The following LYRM7 variants were observed in gnomAD, a reference collection of about 807,000 sequenced individuals.
LYRM7 encodes the protein complex III assembly factor LYRM7.
LYRM7 carries 9 observed loss-of-function variants against 15.8 expected under a neutral mutation model. The ratio of observed to expected loss-of-function variants is 0.57; its 90% CI spans 0.34 to 0.99. The LOEUF is 0.99. Among genes scored for constraint, LYRM7 ranks in the 50% least tolerant of loss-of-function variants. The pLI, the probability that LYRM7 is intolerant of heterozygous loss-of-function variation, is 0.02. For missense variants in LYRM7, 115 were observed against 119.1 expected (o/e 0.97, Z 0.16); for synonymous variants, 39 against 39.4 (o/e 0.99, Z 0.04).
intron 1 of LYRM7, 137 bp downstream of exon 1, chr5:131,171,175 C>A: frequency 2.3e-6 from 2 of 888,440 alleles, no homozygotes; most frequent in African/African-American, 1.8e-5. Flanking sequence ...CCCAGAGAAG[C>A]CAGATGACCA....
chr5:131,181,316 T>TATATATATATATACATAC (rs1208669077), intron 2 of LYRM7, among the ~76,000 whole-genome samples: 2 of 27,648 alleles, frequency 7.2e-5, no homozygotes, highest in Non-Finnish European at 1.5e-4. Flanking sequence ...TATATATATA[T>TATATATATATATACATAC]ACACACACAC....
At chr5:131,185,168 G>GA (rs373728099) in intron 3 of LYRM7, among the ~76,000 whole-genome samples, 11 of 149,274 alleles carry the variant, frequency 7.4e-5, no homozygotes, top group African/African-American at 9.8e-5. Flanking sequence ...CTTAAAAAAA[G>GA]AAAAAAAAAG....
At position 131,189,444 on chromosome 5, in the gene LYRM7, CAAAAAAAAAAAA is replaced by C. The variant is rs71000976; in HGVS notation, c.244+2351_244+2362del. ...GGCAACAGAGCAAGACTCCGTCTCC[CAAAAAAAAAAAA>C]AAAAAAAAAAAAAAAGCTATATTGT... On this transcript the variant is annotated intron_variant, in intron 4 of 4. Transcript: ENST00000379380. Among the ~76,000 whole-genome samples the C allele has an allele frequency of 1.9e-4, 9 of 46,178 alleles. No individual in the cohort carries two copies. In the East Asian group the frequency reaches 4.3e-3, roughly 22 times the overall value. The allele number at this position is 46,178 out of a possible 152,430, so 30.3% of individuals were successfully genotyped here.
intron 4 of LYRM7, among the ~76,000 whole-genome samples, chr5:131,190,702 G>T (rs1405642784): frequency 1.3e-5 from 2 of 151,604 alleles, no homozygotes; most frequent in African/African-American, 4.8e-5. Context: ...TGTTGGCCAG[G>T]CTGGTCTGGA....
intron 1 of LYRM7, among the ~76,000 whole-genome samples, chr5:131,176,268 T>G (rs1464375659): frequency 6.6e-6 from 1 of 152,250 alleles, no homozygotes; most frequent in Non-Finnish European, 1.5e-5. Flanking sequence ...TTCTGGGTCA[T>G]AAGATAACTG....
At position 131,183,293 on chromosome 5, in the gene LYRM7, A is replaced by G. The variant is rs79225255; in HGVS notation, c.162+994A>G. 3.5e-4 allele frequency among the ~76,000 whole-genome samples: 53 copies of G among 152,304 alleles called. No homozygotes were observed. In the East Asian group the frequency reaches 8.9e-3, roughly 26 times the overall value. Reference sequence around the variant, plus strand: ...ATTTTGCTGAAACATGATAGGGCAAATAGGGAATATGTAATTTTTATTCAT... The same window carrying G: ...ATTTTGCTGAAACATGATAGGGCAAGTAGGGAATATGTAATTTTTATTCAT... On this transcript the variant is annotated intron_variant, in intron 3 of 4. Coordinates refer to ENST00000379380, the MANE Select transcript of LYRM7 (RefSeq NM_181705.4).
chr5:131,190,606 T>G (rs1274759121), intron 4 of LYRM7, among the ~76,000 whole-genome samples: 2 of 151,906 alleles, frequency 1.3e-5, no homozygotes, highest in Non-Finnish European at 2.9e-5. Context: ...TTCTCCTGCC[T>G]CAGCCCCTCA....
chr5:131,175,975 G>T (rs565898574), intron 1 of LYRM7, among the ~76,000 whole-genome samples: 1 of 152,068 alleles, frequency 6.6e-6, no homozygotes, highest in African/African-American at 2.4e-5. Context: ...GGCCAGGCTG[G>T]TCTTGAACTC....
chr5:131,196,207 G>A (rs1297186828), intron 4 of LYRM7, among the ~76,000 whole-genome samples: 2 of 150,062 alleles, frequency 1.3e-5, no homozygotes, highest in African/African-American at 2.5e-5. Flanking sequence ...GGGTTCAAGC[G>A]ATTCTCATGC....
intron 4 of LYRM7, among the ~76,000 whole-genome samples, chr5:131,191,260 T>G (rs2149664518): frequency 6.6e-6 from 1 of 152,100 alleles, no homozygotes; most frequent in East Asian, 1.9e-4. Context: ...AAAAGTTACT[T>G]TAAGCAAAAT....
At chr5:131,196,883 C>G (rs140879127) in intron 4 of LYRM7, among the ~76,000 whole-genome samples, 208 of 152,076 alleles carry the variant, frequency 1.4e-3, no homozygotes, top group African/African-American at 4.7e-3. Flanking sequence ...GTCTCGAACT[C>G]CTGACTTTGT....
At chr5:131,174,204 A>G (rs1429389444) in intron 1 of LYRM7, among the ~76,000 whole-genome samples, 2 of 152,248 alleles carry the variant, frequency 1.3e-5, no homozygotes, top group Non-Finnish European at 1.5e-5. Flanking sequence ...AAACTCAAGA[A>G]TCCACTTTCT....
chr5:131,189,002 C>T (rs1755840914), intron 4 of LYRM7, among the ~76,000 whole-genome samples: 1 of 151,556 alleles, frequency 6.6e-6, no homozygotes, highest in Non-Finnish European at 1.5e-5. Context: ...CAAAAACTAG[C>T]CAGGCATGGT....
At chr5:131,178,605 A>C (rs890118928) in intron 1 of LYRM7, among the ~76,000 whole-genome samples, 1 of 151,990 alleles carries the variant, frequency 6.6e-6, no homozygotes, top group African/African-American at 2.4e-5. Flanking sequence ...CTCTCTTTTT[A>C]TTTTTTTCAA....
At chr5:131,197,565 A>G (rs1268455795) in intron 4 of LYRM7, among the ~76,000 whole-genome samples, 4 of 20,382 alleles carry the variant, frequency 2.0e-4, no homozygotes, top group African/African-American at 6.4e-4. Context: ...TTTTTTTTTG[A>G]GAGAGAGAGT....
intron 4 of LYRM7, among the ~76,000 whole-genome samples, chr5:131,188,336 T>G (rs1043601860): frequency 1.2e-4 from 18 of 151,872 alleles, no homozygotes; most frequent in African/African-American, 4.4e-4. Flanking sequence ...GTACTCAATT[T>G]GTAATTGTAT....
At chr5:131,172,499 A>G (rs1470541289) in intron 1 of LYRM7, among the ~76,000 whole-genome samples, 1 of 152,240 alleles carries the variant, frequency 6.6e-6, no homozygotes, top group Non-Finnish European at 1.5e-5. Context: ...AGAAAAAAGC[A>G]TTCTAGAAAA....
At chr5:131,193,163 C>G (rs575538442) in intron 4 of LYRM7, among the ~76,000 whole-genome samples, 1 of 152,200 alleles carries the variant, frequency 6.6e-6, no homozygotes, top group East Asian at 1.9e-4. Flanking sequence ...TAAACTTCTG[C>G]CTTTTGGTTT....
In LYRM7 at chr5:131,203,335, A is replaced by G. The variant is rs1251763133; in HGVS notation, c.*3734A>G. 6.6e-6 allele frequency: 1 copy of G among 152,248 alleles called. No individual in the cohort carries two copies. Among genetic ancestry groups the G allele is most frequent in the Non-Finnish European group, 1.5e-5 (1 of 68,032 alleles). The allele number at this position is 152,248 out of a possible 1,614,324, so 9.4% of individuals were successfully genotyped here. On this transcript the variant is annotated 3_prime_UTR_variant, in exon 5 of 5. Transcript: ENST00000379380. ...CTTCTAAAATAAGCTATAACACTTA[A>G]AAAGGAGAGATATACTATGTTCCTA...
Sources: gnomAD v4.1 joint callset for allele counts (sites outside exome capture counted in the v4.1 genomes callset) on GRCh38, gnomAD v4.1.1 for gene constraint, MANE v1.5 for transcripts, NCBI Gene and HGNC (gene_info 2026-07-23, HGNC 2026-07-21) for gene names.